Variants in CHPT1 observed in about 807,000 individuals in gnomAD.
The protein encoded by CHPT1 is cholinephosphotransferase 1.
Under a neutral mutation model 47.6 loss-of-function variants are expected in CHPT1, and 36 were observed. The observed-to-expected ratio is 0.76, with a 90% confidence interval of 0.58 to 1.00. The LOEUF (loss-of-function observed/expected upper bound fraction) is 1.00, where lower values mean the gene tolerates loss of function less well. Among genes scored for constraint, CHPT1 ranks in the 50% least tolerant of loss-of-function variants. CHPT1 has a pLI of 0.00. For missense variants in CHPT1, 458 were observed against 498.1 expected (o/e 0.92, Z 0.77); for synonymous variants, 194 against 186.3 (o/e 1.04, Z -0.33).
intron 1 of CHPT1, among the ~76,000 whole-genome samples, chr12:101,703,737 T>G (rs1462377640): frequency 1.3e-5 from 2 of 152,206 alleles, no homozygotes; most frequent in East Asian, 3.9e-4. Flanking sequence ...CAGTAAACAA[T>G]GTCATAAGCA....
At chr12:101,702,509 A>G (rs1951567652) in intron 1 of CHPT1, among the ~76,000 whole-genome samples, 2 of 152,182 alleles carry the variant, frequency 1.3e-5, no homozygotes, top group African/African-American at 4.8e-5. Flanking sequence ...TAAATAACTC[A>G]TATTTTAAAC....
intron 4 of CHPT1, chr12:101,719,367 T>C (rs1951813302): frequency 7.8e-6 from 3 of 386,176 alleles, no homozygotes; most frequent in South Asian, 5.8e-5. Flanking sequence ...CTAAATTTAA[T>C]TATTAACCTG....
At chr12:101,728,594 CT>C in intron 8 of CHPT1, 1 of 255,636 alleles carries the variant, frequency 3.9e-6, no homozygotes, top group Admixed American at 5.0e-5. Context: ...ACATAACCTT[CT>C]ATACTTGGTT....
At chr12:101,698,845 C>T (rs1248609569) in intron 1 of CHPT1, among the ~76,000 whole-genome samples, 1 of 152,182 alleles carries the variant, frequency 6.6e-6, no homozygotes, top group Non-Finnish European at 1.5e-5. Context: ...CAGAAGCACC[C>T]TTTGGGCTGA....
chr12:101,723,806 A>C lies in CHPT1; in HGVS notation c.1024A>C (p.Asn342His). Residue 342 changes from asparagine to histidine, a missense_variant, in exon 7 of 9, where the codon AAT becomes CAT. Transcript: ENST00000229266. ...PGLLFLDQYF[N>H]NFIDEYVVLW... Reference sequence around the variant, plus strand: ...TCTTTTGTTTTTAGACCAGTACTTTAATAACTTTATAGACGAATATGTTGT... The same window carrying C: ...TCTTTTGTTTTTAGACCAGTACTTTCATAACTTTATAGACGAATATGTTGT... The C allele has an allele frequency of 1.3e-6, 2 of 1,548,342 alleles. No homozygotes were observed. The highest frequency in any genetic ancestry group is 1.8e-6 in the Non-Finnish European group (2 of 1,124,842).
intron 5 of CHPT1, among the ~76,000 whole-genome samples, chr12:101,720,768 C>A (rs1951837290): frequency 6.6e-6 from 1 of 152,156 alleles, no homozygotes; most frequent in African/African-American, 2.4e-5. Flanking sequence ...TTACACCTTG[C>A]TCATGCAAGT....
chr12:101,711,336 A>G (rs1235374024), intron 1 of CHPT1, among the ~76,000 whole-genome samples: 1 of 148,772 alleles, frequency 6.7e-6, no homozygotes, highest in East Asian at 2.0e-4. Flanking sequence ...GCACAATGGA[A>G]TATTACTGAG....
At chr12:101,701,748 T>G (rs370773184) in intron 1 of CHPT1, among the ~76,000 whole-genome samples, 16 of 152,254 alleles carry the variant, frequency 1.1e-4, no homozygotes, top group Admixed American at 3.3e-4. Flanking sequence ...ATCAAACAGA[T>G]GCTTATAATT....
chr12:101,715,896 G>T (rs1951757129), intron 3 of CHPT1, among the ~76,000 whole-genome samples: 1 of 152,054 alleles, frequency 6.6e-6, no homozygotes, highest in Non-Finnish European at 1.5e-5. Flanking sequence ...AAGAGGGTAT[G>T]ATCAGCATCT....
At chr12:101,708,560 G>A (rs1178302858) in intron 1 of CHPT1, among the ~76,000 whole-genome samples, 1 of 151,970 alleles carries the variant, frequency 6.6e-6, no homozygotes. Context: ...TGTTAAATTT[G>A]GATACAGTAG....
chr12:101,728,041 G>GGA (rs1952010485), intron 8 of CHPT1: 1 of 152,292 alleles, frequency 6.6e-6, no homozygotes, highest in Admixed American at 6.5e-5. Context: ...TTTGAAGTCA[G>GGA]GAGTTCGAGA....
intron 1 of CHPT1, among the ~76,000 whole-genome samples, chr12:101,712,180 C>G (rs969905664): frequency 6.8e-6 from 1 of 147,992 alleles, no homozygotes; most frequent in African/African-American, 2.4e-5. Flanking sequence ...CACCGCCGCA[C>G]CAGGCTAATT....
At chr12:101,716,706 A>G (rs747000998) in intron 3 of CHPT1, 22 bp from the exon 4 acceptor site, 70 of 1,504,646 alleles carry the variant, frequency 4.7e-5, no homozygotes, top group Non-Finnish European at 6.0e-5. Context: ...CACCTTATCT[A>G]TTCTTTGTCC....
At position 101,697,822 on chromosome 12, in the gene CHPT1, G is replaced by C. The variant is rs1951484106; in HGVS notation, c.-40G>C. 1.2e-6 allele frequency: 1 copy of C among 837,216 alleles called. No individual in the cohort carries two copies. The highest frequency in any genetic ancestry group is 1.5e-6 in the Non-Finnish European group (1 of 683,244). 51.9% of individuals were successfully genotyped at this position (837,216 alleles called of 1,614,324 possible). Reference sequence around the variant, plus strand: ...TCTCCCTGCCCCCAGCGCCAGGCGCGGGCTGCGCTCGGTGGCGGCGGCGGG... The same window carrying C: ...TCTCCCTGCCCCCAGCGCCAGGCGCCGGCTGCGCTCGGTGGCGGCGGCGGG... On this transcript the variant is annotated 5_prime_UTR_variant, in exon 1 of 9. Transcript: ENST00000229266.
chr12:101,713,579 A>G (rs368730785), intron 1 of CHPT1, among the ~76,000 whole-genome samples: 2 of 152,110 alleles, frequency 1.3e-5, no homozygotes, highest in South Asian at 4.1e-4. Context: ...CCCTTCTGTG[A>G]GGGATCACAA....
Position 101,697,967 on chromosome 12 carries a change from G to A in CHPT1, c.106G>A (p.Ala36Thr). 1 of 1,499,410 alleles carries A rather than the reference G, an allele frequency of 6.7e-7. No homozygotes were observed. Among genetic ancestry groups the A allele is most frequent in the African/African-American group, 1.4e-5 (1 of 69,372 alleles). The allele number at this position is 1,499,410 out of a possible 1,614,324, so 92.9% of individuals were successfully genotyped here. A position where few individuals can be genotyped will look rare whatever the true frequency, so the allele number is the denominator to read the frequency against. Residue 36 changes from alanine to threonine, a missense_variant, in exon 1 of 9, where the codon GCG becomes ACG. Physicochemically the swap from Ala to Thr is moderately conservative, Grantham distance 58 (BLOSUM62 0). Transcript: ENST00000229266. ...LRRLEEHRYS[A>T]AGVSLLEPPL... ...GCGACTGGAGGAGCACCGCTACAGC[G>A]CGGCGGGCGTCTCGCTGCTCGAGCC...
In CHPT1 at chr12:101,726,468, A is replaced by G. The variant is rs752807095; in HGVS notation, c.1176+64A>G. 66 of 1,585,224 alleles carry G rather than the reference A, an allele frequency of 4.2e-5. No individual in the cohort carries two copies. The South Asian group carries it at 6.1e-4, about 15-fold the overall frequency. ...AGAGGAGATGAAGTTAGGGGAATCT[A>G]TGAGTGAAGGAAATCCCCCTGTGCA... is the stretch of plus-strand genomic sequence containing the variant. On this transcript the variant is annotated intron_variant, in intron 8 of 8. Transcript: ENST00000229266.
chr12:101,728,875 C>G (rs755740802), intron 8 of CHPT1, 26 bp from the exon 9 acceptor site: 1 of 1,610,730 alleles, frequency 6.2e-7, no homozygotes, highest in Non-Finnish European at 8.5e-7. Context: ...TCTTAGCTAA[C>G]GTTATAATTG....
In CHPT1 at chr12:101,709,188, G is replaced by A. The variant is rs1339248135; in HGVS notation, c.274-4902G>A. ...AGGCAGAAGGATAGTTTGAGGCCAG[G>A]AGTTTGAGACCAGCCTGGGTAGCAT... On this transcript the variant is annotated intron_variant, in intron 1 of 8. Coordinates refer to ENST00000229266, the MANE Select transcript of CHPT1 (RefSeq NM_020244.3). 3.4e-5 allele frequency among the ~76,000 whole-genome samples: 5 copies of A among 147,658 alleles called. 1 individual carries two copies. In the Admixed American group the frequency reaches 3.5e-4, roughly 10 times the overall value.
Sources: gnomAD v4.1 joint callset for allele counts (sites outside exome capture counted in the v4.1 genomes callset) on GRCh38, gnomAD v4.1.1 for gene constraint, MANE v1.5 for transcripts, NCBI Gene and HGNC (gene_info 2026-07-23, HGNC 2026-07-21) for gene names.